UVRAG: variants seen among roughly 807,000 people sequenced by gnomAD.
UVRAG encodes the protein UV radiation resistance associated.
UVRAG carries 19 observed loss-of-function variants against 78.0 expected under a neutral mutation model. The ratio of observed to expected loss-of-function variants is 0.24; its 90% CI spans 0.17 to 0.36. The LOEUF is 0.36. UVRAG is among the 10% of genes least tolerant of loss of function. UVRAG has a pLI of 1.00. For synonymous variants in UVRAG, 323 were observed against 324.6 expected (o/e 1.00, Z 0.05); for missense variants, 740 against 853.8 (o/e 0.87, Z 1.66).
chr11:75,949,327 G>GT (rs938888220), intron 6 of UVRAG, among the ~76,000 whole-genome samples: 1 of 151,948 alleles, frequency 6.6e-6, no homozygotes, highest in Non-Finnish European at 1.5e-5. Context: ...AATTTCTTAA[G>GT]TATTGATATT....
intron 12 of UVRAG, among the ~76,000 whole-genome samples, chr11:76,054,853 A>G (rs1280069943): frequency 6.6e-6 from 1 of 152,238 alleles, no homozygotes; most frequent in Non-Finnish European, 1.5e-5. Flanking sequence ...CAAGGTGATG[A>G]TGCAGTAACT....
intron 11 of UVRAG, among the ~76,000 whole-genome samples, chr11:76,011,001 G>C (rs750416385): frequency 6.6e-6 from 1 of 152,110 alleles, no homozygotes. Context: ...TTTGAAGGGG[G>C]CAGTCAGAGA....
chr11:75,832,099 G>A (rs1350415450), intron 1 of UVRAG, among the ~76,000 whole-genome samples: 1 of 152,078 alleles, frequency 6.6e-6, no homozygotes, highest in Non-Finnish European at 1.5e-5. Context: ...CCTAAGTCAG[G>A]GACTGTCTGT....
chr11:75,985,186 T>TTTTTC (rs1949475497), intron 8 of UVRAG, among the ~76,000 whole-genome samples: 1 of 151,140 alleles, frequency 6.6e-6, no homozygotes, highest in African/African-American at 2.4e-5. Context: ...TTTGTATTTA[T>TTTTTC]CGCATTTGGT....
intron 5 of UVRAG, among the ~76,000 whole-genome samples, chr11:75,891,640 G>A (rs1947214571): frequency 6.6e-6 from 1 of 152,178 alleles, no homozygotes; most frequent in African/African-American, 2.4e-5. Flanking sequence ...ATAGGTGATA[G>A]TCTGTAATCC....
intron 14 of UVRAG, among the ~76,000 whole-genome samples, chr11:76,132,748 G>C (rs1952534678): frequency 6.6e-6 from 1 of 152,052 alleles, no homozygotes. Flanking sequence ...AAAGTCAAAA[G>C]AGCAACACAA....
rs184145774 is a variant in UVRAG, at chr11:75,958,639, G to C, written c.594-2805G>C. On this transcript the variant is annotated intron_variant, in intron 6 of 14. Transcript: ENST00000356136. ...AAGTCATCCATGAGGGTTGGAATCA[G>C]CTTCTTCCAAAGTCCTGTTAATGTT... is the stretch of plus-strand genomic sequence containing the variant. Among the ~76,000 whole-genome samples, 352 of 152,202 alleles carry C rather than the reference G, an allele frequency of 2.3e-3. 10 individuals are homozygous for C. Among genetic ancestry groups the C allele is most frequent in the Admixed American group, 0.021 (324 of 15,292 alleles).
At chr11:75,884,472 AT>A (rs1432312230) in intron 4 of UVRAG, among the ~76,000 whole-genome samples, 15 of 151,934 alleles carry the variant, frequency 9.9e-5, no homozygotes, top group African/African-American at 1.9e-4. Flanking sequence ...TTTGTGTCTT[AT>A]CTTTGCCTAA....
chr11:75,934,671 AAAT>A (rs1447485414), intron 6 of UVRAG, among the ~76,000 whole-genome samples: 1 of 152,138 alleles, frequency 6.6e-6, no homozygotes, highest in African/African-American at 2.4e-5. Context: ...AAATTTAAAC[AAAT>A]AATAACTCCC....
intron 5 of UVRAG, chr11:75,892,237 C>A: frequency 3.1e-6 from 2 of 647,444 alleles, no homozygotes; most frequent in Non-Finnish European, 3.8e-6. Context: ...ACACACAGGT[C>A]CATCTCTGAA....
chr11:75,844,609 A>G (rs1467632435), intron 1 of UVRAG, among the ~76,000 whole-genome samples: 1 of 152,056 alleles, frequency 6.6e-6, no homozygotes, highest in Non-Finnish European at 1.5e-5. Flanking sequence ...TTACAGTCAT[A>G]CTAATGAGTA....
chr11:75,877,995 C>G (rs1232548738), intron 3 of UVRAG, among the ~76,000 whole-genome samples: 1 of 149,090 alleles, frequency 6.7e-6, no homozygotes, highest in Non-Finnish European at 1.5e-5. Flanking sequence ...GGGCGGCTGC[C>G]GGGCGGAGAC....
At chr11:75,887,207 G>A (rs1234111464) in intron 4 of UVRAG, among the ~76,000 whole-genome samples, 1 of 150,884 alleles carries the variant, frequency 6.6e-6, no homozygotes, top group South Asian at 2.1e-4. Flanking sequence ...GTGCAGCGGC[G>A]TGCTCTCGGC....
intron 14 of UVRAG, among the ~76,000 whole-genome samples, chr11:76,132,896 A>G (rs1399409597): frequency 1.3e-5 from 2 of 152,312 alleles, no homozygotes; most frequent in South Asian, 2.1e-4. Flanking sequence ...AAAACTTAAG[A>G]TCCTAGGGAC....
intron 12 of UVRAG, among the ~76,000 whole-genome samples, chr11:76,040,058 AT>A (rs1225849138): frequency 6.6e-6 from 1 of 152,166 alleles, no homozygotes; most frequent in African/African-American, 2.4e-5. Flanking sequence ...TTGTATATAT[AT>A]TTTTAAGTTG....
chr11:75,933,211 A>G (rs1948281305), intron 6 of UVRAG, among the ~76,000 whole-genome samples: 1 of 152,194 alleles, frequency 6.6e-6, no homozygotes, highest in African/African-American at 2.4e-5. Context: ...CCATACATCT[A>G]CAGTTAACTC....
At chr11:76,006,036 A>G (rs1466199975) in intron 9 of UVRAG, among the ~76,000 whole-genome samples, 2 of 151,988 alleles carry the variant, frequency 1.3e-5, no homozygotes, top group Admixed American at 6.5e-5. Flanking sequence ...AGAAAGTCCA[A>G]CCTTCTAATC....
Position 75,878,283 on chromosome 11 carries a change from C to T in UVRAG, c.271-1596C>T, listed in dbSNP as rs560326198. 197 of 200,730 alleles carry T rather than the reference C, an allele frequency of 9.8e-4. 2 individuals carry two copies. Among genetic ancestry groups the T allele is most frequent in the African/African-American group, 4.6e-3 (191 of 41,798 alleles). 12.4% of individuals were successfully genotyped at this position (200,730 alleles called of 1,614,324 possible). On this transcript the variant is annotated intron_variant, in intron 3 of 14. Coordinates refer to ENST00000356136, the MANE Select transcript of UVRAG (RefSeq NM_003369.4). The stretch of plus-strand genomic sequence containing the variant: ...CGATGGGCGGCCGGGCAGAGACGCT[C>T]CTCACTTCGTAGATGGGATGGTGGC...
At chr11:76,005,848 C>G (rs183462748) in intron 9 of UVRAG, among the ~76,000 whole-genome samples, 42 of 152,326 alleles carry the variant, frequency 2.8e-4, no homozygotes, top group Admixed American at 2.7e-3. Flanking sequence ...AAGGACATTA[C>G]AAAAGATACC....
Sources: allele counts gnomAD v4.1 joint callset (sites outside exome capture counted in the v4.1 genomes callset), GRCh38; gene constraint gnomAD v4.1.1; transcripts MANE v1.5; gene names NCBI Gene and HGNC (gene_info 2026-07-23, HGNC 2026-07-21).